The following HECTD4 variants were observed in gnomAD, a reference collection of about 807,000 sequenced individuals.
The protein encoded by HECTD4 is probable E3 ubiquitin-protein ligase HECTD4.
A neutral mutation model predicts 471.5 loss-of-function variants in HECTD4; 114 were observed. The ratio of observed to expected loss-of-function variants is 0.24; its 90% CI spans 0.21 to 0.28. The LOEUF (loss-of-function observed/expected upper bound fraction) is 0.28, where lower values mean the gene tolerates loss of function less well. Ranked by LOEUF, HECTD4 falls within the 10% of genes least tolerant of loss-of-function variation. The pLI, the probability that HECTD4 is intolerant of heterozygous loss-of-function variation, is 1.00. For synonymous variants in HECTD4, 2,012 were observed against 2,256.0 expected (o/e 0.89, Z 3.07); for missense variants, 3,866 against 5,651.5 (o/e 0.68, Z 10.13).
At chr12:112,355,536 G>C (rs1175186347) in intron 1 of HECTD4, among the ~76,000 whole-genome samples, 1 of 151,872 alleles carries the variant, frequency 6.6e-6, no homozygotes, top group Non-Finnish European at 1.5e-5. Context: ...GAAGTGGACA[G>C]ATCACCTGAG....
chr12:112,229,143 C>A (rs1453218847), intron 41 of HECTD4, among the ~76,000 whole-genome samples: 3 of 151,996 alleles, frequency 2.0e-5, no homozygotes, highest in Non-Finnish European at 4.4e-5. Context: ...CCTGGCCAGC[C>A]TGATGAAATC....
At position 112,302,244 on chromosome 12, in the gene HECTD4, T is replaced by A. The variant is rs765916943; in HGVS notation, c.1335+3820A>T. 53 of 1,278,582 alleles carry A rather than the reference T, an allele frequency of 4.1e-5. No individual in the cohort carries two copies. The Middle Eastern group carries it at 1.5e-3, about 37-fold the overall frequency. The allele number at this position is 1,278,582 out of a possible 1,614,324, so 79.2% of individuals were successfully genotyped here. A position where few individuals can be genotyped will look rare whatever the true frequency, so the allele number is the denominator to read the frequency against. ...TTCTTGTTCTCCACCAAGGTGGTGATGGTGTTAACTCCTGCTCGAAGGGCA... is the reference window on the plus strand; with the variant it reads ...TTCTTGTTCTCCACCAAGGTGGTGAAGGTGTTAACTCCTGCTCGAAGGGCA... On this transcript the variant is annotated intron_variant, in intron 7 of 75. Transcript: ENST00000682272.
At position 112,184,786 on chromosome 12, in the gene HECTD4, C is replaced by T; in HGVS notation, c.10180G>A (p.Ala3394Thr). 1 of 1,610,848 alleles carries T rather than the reference C, an allele frequency of 6.2e-7. No individual in the cohort carries two copies. Among genetic ancestry groups the T allele is most frequent in the Admixed American group, 1.7e-5 (1 of 59,814 alleles). Residue 3394 changes from alanine to threonine, a missense_variant, in exon 61 of 76, where the codon GCC (alanine) becomes ACC (threonine). By Grantham distance (58) the Ala-to-Thr change is moderately conservative. Around this residue, in one of 16 missense-constraint regions of HECTD4, gnomAD observed 71 missense variants for 144.5 expected, o/e 0.49. Transcript: ENST00000682272. This position sits in a 1 kb window ranked among gnomAD's most constrained non-coding sequence, Gnocchi z 9.1. ...GAGATCACCAGCAAGCGGCTGTGGG[C>T]GGTGGGGCCCACCAGGGCCTGGCAG... ...DACQALVGPT[A>T]HSRLLVISGI... is the part of the protein sequence containing the mutation.
rs371818825 is a variant in HECTD4, at chr12:112,226,594, C to T, written c.6970+49G>A. Reference sequence around the variant, plus strand: ...ATACCATTATCAAATTGCAAATGTGCTGAGAAAATTCAATAAAACAGGGTG... The same window carrying T: ...ATACCATTATCAAATTGCAAATGTGTTGAGAAAATTCAATAAAACAGGGTG... On this transcript the variant is annotated intron_variant, in intron 44 of 75. Transcript: ENST00000682272. 15 of 1,231,504 alleles carry T rather than the reference C, an allele frequency of 1.2e-5. No individual in the cohort carries two copies. The African/African-American group carries it at 2.1e-4, about 17-fold the overall frequency. The allele number at this position is 1,231,504 out of a possible 1,614,324, so 76.3% of individuals were successfully genotyped here.
At chr12:112,273,150 G>A (rs73207634) in intron 11 of HECTD4, among the ~76,000 whole-genome samples, 13,600 of 152,170 alleles carry the variant, frequency 0.089, 812 homozygotes, top group South Asian at 0.31. Context: ...TGCTTTACGG[G>A]TAGGGGACTT....
intron 66 of HECTD4, 37 bp from the exon 67 acceptor site, chr12:112,172,898 G>A (rs757026822): frequency 6.4e-7 from 1 of 1,570,448 alleles, no homozygotes; most frequent in Non-Finnish European, 8.8e-7. Flanking sequence ...GCAAAGTGAG[G>A]CAGGGCACAC....
At chr12:112,371,995 T>C (rs932865088) in intron 1 of HECTD4, among the ~76,000 whole-genome samples, 7 of 151,332 alleles carry the variant, frequency 4.6e-5, no homozygotes, top group Non-Finnish European at 8.8e-5. Context: ...GTTGATGGGA[T>C]AGTTTTGCTT....
rs565256314 is a variant in HECTD4 at position 112,289,611 on chromosome 12, G to A, written c.1336-6309C>T. Among the ~76,000 whole-genome samples, 14 of 151,850 alleles carry A rather than the reference G, an allele frequency of 9.2e-5. 1 individual carries two copies. In the South Asian group the frequency reaches 2.9e-3, roughly 32 times the overall value. ...TTTTCTAATGATAAAACTAATATAT[G>A]GTTACTCTTGGAAATCTGGGGGGAA... On this transcript the variant is annotated intron_variant, in intron 7 of 75. Coordinates refer to ENST00000682272, the MANE Select transcript of HECTD4 (RefSeq NM_001388303.1).
intron 15 of HECTD4, among the ~76,000 whole-genome samples, chr12:112,265,498 A>C (rs1337084126): frequency 6.6e-6 from 1 of 152,226 alleles, no homozygotes; most frequent in East Asian, 1.9e-4. Flanking sequence ...TACAAAGTCA[A>C]AGTATTTTAT....
Position 112,239,893 on chromosome 12 carries a change from A to G in HECTD4, c.5093T>C (p.Ile1698Thr). Residue 1698 changes from isoleucine (I) to threonine (T), a missense_variant, in exon 33 of 76, where the codon ATA (isoleucine) becomes ACA (threonine). By Grantham distance (89) the Ile-to-Thr change is moderately conservative. Coordinates refer to ENST00000682272, the MANE Select transcript of HECTD4 (RefSeq NM_001388303.1). This position sits in a 1 kb window ranked among gnomAD's most constrained non-coding sequence, Gnocchi z 4.9. ...TTTCCGTACTTACCTGGTGTAAGGT[A>G]TGGTACATAAGAGTCCAATGCTATT... is the stretch of plus-strand genomic sequence containing the variant. ...CANSIGLLCTIPYTRSEEKCL... is the reference protein window; with the variant it reads ...CANSIGLLCTTPYTRSEEKCL... 2 of 1,612,894 alleles carry G rather than the reference A, an allele frequency of 1.2e-6. No individual in the cohort carries two copies. Among genetic ancestry groups the G allele is most frequent in the South Asian group, 1.1e-5 (1 of 90,830 alleles).
rs938397495 is a variant in HECTD4, at chr12:112,216,428, A to G, written c.7386-57T>C. The G allele has an allele frequency of 1.8e-5, 21 of 1,185,810 alleles. No homozygotes were observed. The Admixed American group carries it at 4.2e-4, about 24-fold the overall frequency. 73.5% of individuals were successfully genotyped at this position (1,185,810 alleles called of 1,614,324 possible). On this transcript the variant is annotated intron_variant, in intron 47 of 75. Coordinates refer to ENST00000682272, the MANE Select transcript of HECTD4 (RefSeq NM_001388303.1). ...ACAAGAAAGATAAGCCTCACTGGCC[A>G]ACACACAAACAGGGAAGTGGTGAAG... is the stretch of plus-strand genomic sequence containing the variant.
intron 13 of HECTD4, among the ~76,000 whole-genome samples, chr12:112,269,114 C>T (rs1462958944): frequency 1.3e-5 from 2 of 151,890 alleles, no homozygotes; most frequent in African/African-American, 4.8e-5. Flanking sequence ...ACCTCGTGAT[C>T]CGCCCGTCTC....
At chr12:112,364,151 T>C (rs2036512696) in intron 1 of HECTD4, among the ~76,000 whole-genome samples, 1 of 151,954 alleles carries the variant, frequency 6.6e-6, no homozygotes. Context: ...ACGCCTGTAA[T>C]CCCAGCAGTT....
chr12:112,326,357 G>C (rs945307832), intron 1 of HECTD4, among the ~76,000 whole-genome samples: 1 of 152,080 alleles, frequency 6.6e-6, no homozygotes, highest in African/African-American at 2.4e-5. Flanking sequence ...GCTGGGTGTG[G>C]TGGCATGCAC....
chr12:112,258,610 C>T lies in HECTD4; in HGVS notation c.3028-14G>A. ...CAGCAACGCCGTCTGAAACACAAAACCATCATTATGTCTTCCAGGGCTACT... is the reference window on the plus strand; with the variant it reads ...CAGCAACGCCGTCTGAAACACAAAATCATCATTATGTCTTCCAGGGCTACT... On this transcript the variant is annotated splice_polypyrimidine_tract_variant and intron_variant, in intron 19 of 75. Coordinates refer to ENST00000682272, the MANE Select transcript of HECTD4 (RefSeq NM_001388303.1). The T allele has an allele frequency of 1.3e-6, 2 of 1,586,286 alleles. No homozygotes were observed. The highest frequency in any genetic ancestry group is 8.6e-7 in the Non-Finnish European group (1 of 1,169,188).
chr12:112,244,567 C>T (rs1194543734), intron 29 of HECTD4, among the ~76,000 whole-genome samples: 3 of 152,082 alleles, frequency 2.0e-5, no homozygotes, highest in African/African-American at 7.2e-5. Context: ...GACGGGGTTT[C>T]GCCATGTTGG....
intron 1 of HECTD4, among the ~76,000 whole-genome samples, chr12:112,357,838 G>T (rs115478090): frequency 0.011 from 1,740 of 152,290 alleles, 38 homozygotes; most frequent in African/African-American, 0.04. Context: ...GCTTCTAGTA[G>T]GAGCTCAATA....
intron 18 of HECTD4, among the ~76,000 whole-genome samples, chr12:112,260,946 C>T (rs542621820): frequency 1.1e-4 from 17 of 152,158 alleles, no homozygotes; most frequent in Non-Finnish European, 2.1e-4. Context: ...TGGTAAGTCA[C>T]TTCTTCCTCC....
rs1168505999 is a variant in HECTD4, at chr12:112,269,737, G to A, written c.2288C>T (p.Pro763Leu). The A allele has an allele frequency of 6.2e-7, 1 of 1,613,924 alleles. No homozygotes were observed. The highest frequency in any genetic ancestry group is 2.2e-5 in the East Asian group (1 of 44,890). ...LLMAPKDQIC[P>L]EIQKEVCLAI... ...AAGGCAGACTTCCTTCTGAATTTCAGGGCAAATTTGATCTTTTGGAGCCAT... is the reference window on the plus strand; with the variant it reads ...AAGGCAGACTTCCTTCTGAATTTCAAGGCAAATTTGATCTTTTGGAGCCAT... Residue 763 changes from proline (P) to leucine (L), a missense_variant, in exon 13 of 76, where the codon CCT becomes CTT. Coordinates refer to ENST00000682272, the MANE Select transcript of HECTD4 (RefSeq NM_001388303.1).
Sources: allele counts gnomAD v4.1 joint callset (sites outside exome capture counted in the v4.1 genomes callset), GRCh38; gene constraint gnomAD v4.1.1; regional missense constraint gnomAD v4.1.1; non-coding constraint Gnocchi (gnomAD v3.1); transcripts MANE v1.5; gene names NCBI Gene and HGNC (gene_info 2026-07-23, HGNC 2026-07-21).